SEC24A: variants seen among roughly 807,000 people sequenced by gnomAD.
The protein encoded by SEC24A is protein transport protein Sec24A.
In SEC24A, 93 loss-of-function variants were observed where a neutral mutation model predicts 129.4. That is an observed-to-expected ratio of 0.72 (90% CI 0.61 to 0.85). The LOEUF (loss-of-function observed/expected upper bound fraction) is 0.85, where lower values mean the gene tolerates loss of function less well. SEC24A is among the 40% of genes least tolerant of loss of function. The pLI, the probability that SEC24A is intolerant of heterozygous loss-of-function variation, is 0.00. For missense variants in SEC24A, 1,264 were observed against 1,307.4 expected (o/e 0.97, Z 0.51); for synonymous variants, 460 against 467.3 (o/e 0.98, Z 0.20).
chr5:134,686,709 TG>T (rs1175725263), intron 9 of SEC24A, 80 bp from the exon 10 acceptor site: 5 of 694,196 alleles, frequency 7.2e-6, no homozygotes, highest in Non-Finnish European at 1.2e-5. Flanking sequence ...CTTTTTAAAT[TG>T]TTTTGCTGTA....
intron 1 of SEC24A, among the ~76,000 whole-genome samples, chr5:134,653,381 C>T (rs1212626169): frequency 1.3e-5 from 2 of 152,154 alleles, no homozygotes; most frequent in Non-Finnish European, 2.9e-5. Flanking sequence ...TCCTGTGAAG[C>T]TAGGACTACA....
At chr5:134,724,902 T>G in intron 22 of SEC24A, 78 bp from the exon 23 acceptor site, 1 of 732,122 alleles carries the variant, frequency 1.4e-6, no homozygotes, top group Non-Finnish European at 2.5e-6. Flanking sequence ...ATTAGGGTTA[T>G]GAGGAAATCA....
intron 3 of SEC24A, among the ~76,000 whole-genome samples, chr5:134,669,289 C>T (rs1750775353): frequency 6.6e-6 from 1 of 150,732 alleles, no homozygotes; most frequent in African/African-American, 2.4e-5. Context: ...GCCTCAGCTT[C>T]CCGAGTAGCT....
chr5:134,691,698 T>C (rs1199300340), intron 11 of SEC24A, among the ~76,000 whole-genome samples: 1 of 151,780 alleles, frequency 6.6e-6, no homozygotes, highest in Non-Finnish European at 1.5e-5. Flanking sequence ...GAGACAGGGT[T>C]TCACCACATT....
chr5:134,688,089 T>C, intron 10 of SEC24A, 92 bp from the exon 11 acceptor site: 1 of 789,922 alleles, frequency 1.3e-6, no homozygotes, highest in Non-Finnish European at 2.2e-6. Flanking sequence ...TAATATTGAA[T>C]TAGATATTTT....
chr5:134,684,919 G>T (rs779638352), intron 9 of SEC24A, among the ~76,000 whole-genome samples: 1 of 152,016 alleles, frequency 6.6e-6, no homozygotes, highest in Non-Finnish European at 1.5e-5. Context: ...ATAGCAGAAG[G>T]TGTTTGCTCC....
At chr5:134,659,806 C>T (rs1750386250) in intron 1 of SEC24A, among the ~76,000 whole-genome samples, 1 of 152,034 alleles carries the variant, frequency 6.6e-6, no homozygotes, top group South Asian at 2.1e-4. Flanking sequence ...GCAGGCGCCA[C>T]CACACCCAAC....
intron 17 of SEC24A, 75 bp from the exon 18 acceptor site, chr5:134,708,638 C>T: frequency 7.7e-7 from 1 of 1,296,200 alleles, no homozygotes; most frequent in Non-Finnish European, 1.1e-6. Flanking sequence ...TAAAAATTAT[C>T]TCTTCTATCC....
intron 19 of SEC24A, among the ~76,000 whole-genome samples, chr5:134,716,433 C>T (rs1270758878): frequency 4.1e-5 from 6 of 146,862 alleles, no homozygotes; most frequent in African/African-American, 1.5e-4. Context: ...TATGCCACTA[C>T]ACTCCAGCCT....
intron 8 of SEC24A, among the ~76,000 whole-genome samples, chr5:134,680,960 G>A (rs1352083297): frequency 6.6e-6 from 1 of 152,022 alleles, no homozygotes; most frequent in Non-Finnish European, 1.5e-5. Flanking sequence ...TTAGCCGGGT[G>A]TGGTGGCGGG....
At chr5:134,719,080 T>A (rs1161145699) in intron 20 of SEC24A, among the ~76,000 whole-genome samples, 1 of 151,718 alleles carries the variant, frequency 6.6e-6, no homozygotes, top group Non-Finnish European at 1.5e-5. Context: ...TACAAAAGAG[T>A]CAAAAAATTA....
chr5:134,693,071 G>T (rs1751711205), intron 12 of SEC24A: 1 of 1,535,950 alleles, frequency 6.5e-7, no homozygotes, highest in South Asian at 1.2e-5. Flanking sequence ...CTTATTACCT[G>T]CCTGGAAATT....
chr5:134,659,657 T>C (rs527603487), intron 1 of SEC24A, among the ~76,000 whole-genome samples: 9 of 150,680 alleles, frequency 6.0e-5, no homozygotes, highest in African/African-American at 2.2e-4. Flanking sequence ...TTTTTTTTTT[T>C]TTTTTTTTGA....
chr5:134,721,217 A>T, intron 21 of SEC24A, 127 bp downstream of exon 21: 1 of 608,566 alleles, frequency 1.6e-6, no homozygotes, highest in Non-Finnish European at 3.0e-6. Context: ...ATGGGTTTTC[A>T]TGTTGATGGA....
intron 1 of SEC24A, among the ~76,000 whole-genome samples, chr5:134,659,220 C>T (rs916864529): frequency 1.6e-4 from 25 of 151,874 alleles, no homozygotes; most frequent in Non-Finnish European, 2.8e-4. Flanking sequence ...TACAGGCACC[C>T]GCCACCACGC....
At chr5:134,689,261 C>T (rs900516503) in intron 11 of SEC24A, among the ~76,000 whole-genome samples, 3 of 152,168 alleles carry the variant, frequency 2.0e-5, no homozygotes, top group Non-Finnish European at 2.9e-5. Flanking sequence ...TGGAAAATAC[C>T]TTGGCAATTC....
At chr5:134,714,941 C>G in intron 18 of SEC24A, 83 bp from the exon 19 acceptor site, 1 of 1,356,318 alleles carries the variant, frequency 7.4e-7, no homozygotes, top group Non-Finnish European at 1.0e-6. Flanking sequence ...TGAAAATATT[C>G]TTTTAACAAC....
chr5:134,724,569 CAA>C, intron 22 of SEC24A, among the ~76,000 whole-genome samples: 1 of 141,598 alleles, frequency 7.1e-6, no homozygotes, highest in Non-Finnish European at 1.5e-5. Context: ...GCCTGGGCAA[CAA>C]GAGTAAAACT....
intron 2 of SEC24A, among the ~76,000 whole-genome samples, chr5:134,662,111 G>A (rs751888139): frequency 3.0e-4 from 45 of 151,958 alleles, no homozygotes; most frequent in Admixed American, 1.1e-3. Flanking sequence ...GATTACAGGC[G>A]TGAGCCACCA....
Sources: allele counts gnomAD v4.1 joint callset (sites outside exome capture counted in the v4.1 genomes callset), GRCh38; gene constraint gnomAD v4.1.1; transcripts MANE v1.5; gene names NCBI Gene and HGNC (gene_info 2026-07-23, HGNC 2026-07-21).